FZD5: variants seen among roughly 807,000 people sequenced by gnomAD.
The protein encoded by FZD5 is frizzled-5.
In FZD5, 12 loss-of-function variants were observed where a neutral mutation model predicts 40.8. That is an observed-to-expected ratio of 0.29 (90% CI 0.19 to 0.48). FZD5 has a LOEUF of 0.48. Ranked by LOEUF, FZD5 falls within the 20% of genes least tolerant of loss-of-function variation. The probability of loss-of-function intolerance (pLI) is 0.99; values close to 1 mark genes in which losing one functional copy is unlikely to be tolerated. For missense variants in FZD5, 622 were observed against 832.8 expected (o/e 0.75, Z 3.12); for synonymous variants, 380 against 383.7 (o/e 0.99, Z 0.11).
Position 207,769,367 on chromosome 2 carries a change from C to G in FZD5, c.-358G>C, listed in dbSNP as rs537407723. On this transcript the variant is annotated 5_prime_UTR_variant, in exon 1 of 2. Transcript: ENST00000295417. The stretch of plus-strand genomic sequence containing the variant: ...AGCGCGACTCAGAGCCGGGCTGGCG[C>G]CCGGAAAGTTTAGCGACAGGCTGGG... 336 of 152,734 alleles carry G rather than the reference C, an allele frequency of 2.2e-3. 1 individual carries two copies. Among genetic ancestry groups the G allele is most frequent in the Non-Finnish European group, 3.7e-3 (254 of 68,296 alleles). 9.5% of individuals were successfully genotyped at this position (152,734 alleles called of 1,614,324 possible). A position where few individuals can be genotyped will look rare whatever the true frequency, so the allele number is the denominator to read the frequency against.
rs1474051307 is a variant in FZD5, at chr2:207,768,276, G to A, written c.464C>T (p.Ala155Val). 6.5e-7 allele frequency: 1 copy of A among 1,543,060 alleles called. No individual in the cohort carries two copies. The highest frequency in any genetic ancestry group is 8.7e-7 in the Non-Finnish European group (1 of 1,149,472). Residue 155 changes from alanine (A) to valine (V), a missense_variant, in exon 2 of 2, where the codon GCC becomes GTC. Physicochemically the swap from Ala to Val is moderately conservative, Grantham distance 64. This residue lies in a region of FZD5 where 116 missense variants were observed against 117.7 expected (regional missense o/e 0.99). Coordinates refer to ENST00000295417, the MANE Select transcript of FZD5 (RefSeq NM_003468.4). ...GAAAGGCCTGGGGGGCGCCGTGGTG[G>A]CCTCGCTGCGGTTGTAATCCATGCA... ...VLCMDYNRSE[A>V]TTAPPRPFPA...
In FZD5 at chr2:207,768,817, C is replaced by T. The variant is rs1011594771; in HGVS notation, c.-78G>A. 10 of 1,206,506 alleles carry T rather than the reference C, an allele frequency of 8.3e-6. No homozygotes were observed. The highest frequency in any genetic ancestry group is 1.1e-5 in the Non-Finnish European group (10 of 880,228). The allele number at this position is 1,206,506 out of a possible 1,614,324, so 74.7% of individuals were successfully genotyped here. A position where few individuals can be genotyped will look rare whatever the true frequency, so the allele number is the denominator to read the frequency against. On this transcript the variant is annotated 5_prime_UTR_variant, in exon 2 of 2. Transcript: ENST00000295417. ...GAGGAATCCGGGCCGGGGCTTCTCC[C>T]TCCGGCGTCTCGTGTGTGGCGCCGG...
rs1463165203 is a variant in FZD5, at chr2:207,768,589, T to A, written c.151A>T (p.Met51Leu). The A allele has an allele frequency of 6.2e-7, 1 of 1,613,988 alleles. No homozygotes were observed. The highest frequency in any genetic ancestry group is 1.7e-5 in the Admixed American group (1 of 60,026). The change falls in exon 2 of 2, where the codon ATG becomes TTG. Residue 51 changes from methionine (M) to leucine (L), a missense_variant. Transcript: ENST00000295417. ...CRGIGYNLTH[M>L]PNQFNHDTQD... ...GTGTCGTGGTTGAACTGGTTGGGCA[T>A]GTGCGTCAGGTTGTAGCCGATGCCG... is the stretch of plus-strand genomic sequence containing the variant.
chr2:207,765,320 T>C lies in FZD5; in HGVS notation c.*1662A>G, dbSNP rs2091973912. 6.6e-6 allele frequency: 1 copy of C among 152,304 alleles called. No individual in the cohort carries two copies. Among genetic ancestry groups the C allele is most frequent in the Admixed American group, 6.5e-5 (1 of 15,304 alleles). 9.4% of individuals were successfully genotyped at this position (152,304 alleles called of 1,614,324 possible). A position where few individuals can be genotyped will look rare whatever the true frequency, so the allele number is the denominator to read the frequency against. On this transcript the variant is annotated 3_prime_UTR_variant, in exon 2 of 2. Coordinates refer to ENST00000295417, the MANE Select transcript of FZD5 (RefSeq NM_003468.4). ...TTAGCTTCCTAAATTTAGTCCCCAA[T>C]CCTGGTCATTGGTATTTTGCTGGCT...
In FZD5 at chr2:207,765,974, C is replaced by G. The variant is rs1400661673; in HGVS notation, c.*1008G>C. The G allele has an allele frequency of 1.3e-5, 2 of 150,572 alleles. No individual in the cohort carries two copies. Among genetic ancestry groups the G allele is most frequent in the Non-Finnish European group, 2.9e-5 (2 of 67,878 alleles). 9.3% of individuals were successfully genotyped at this position (150,572 alleles called of 1,614,324 possible). ...TATTAGAAGTATATCCATTTCAGTCCTTACATTTAAAAAGGAGCCCCCTTT... is the reference window on the plus strand; with the variant it reads ...TATTAGAAGTATATCCATTTCAGTCGTTACATTTAAAAAGGAGCCCCCTTT... On this transcript the variant is annotated 3_prime_UTR_variant, in exon 2 of 2. Coordinates refer to ENST00000295417, the MANE Select transcript of FZD5 (RefSeq NM_003468.4).
In FZD5 at chr2:207,764,574, ACTTGGG is replaced by A. The variant is rs2091970299; in HGVS notation, c.*2402_*2407del. 1 of 152,236 alleles carries A rather than the reference ACTTGGG, an allele frequency of 6.6e-6. No individual in the cohort carries two copies. Among genetic ancestry groups the A allele is most frequent in the Non-Finnish European group, 1.5e-5 (1 of 68,042 alleles). The allele number at this position is 152,236 out of a possible 1,614,324, so 9.4% of individuals were successfully genotyped here. On this transcript the variant is annotated 3_prime_UTR_variant, in exon 2 of 2. Transcript: ENST00000295417. Reference sequence around the variant, plus strand: ...AAGATCCTGACTAATATTGCCCCCCACTTGGGCTTAGCGTCCTTTGTTTTAACTGGC... The same window carrying A: ...AAGATCCTGACTAATATTGCCCCCCACTTAGCGTCCTTTGTTTTAACTGGC...
At position 207,768,432 on chromosome 2, in the gene FZD5, G is replaced by C. The variant is rs147212480; in HGVS notation, c.308C>G (p.Pro103Arg). Residue 103 changes from proline (P) to arginine (R), a missense_variant, in exon 2 of 2, where the codon CCG (proline) becomes CGG (arginine). Around this residue, in one of 4 missense-constraint regions of FZD5, gnomAD observed 144 missense variants for 214.2 expected, o/e 0.67. Transcript: ENST00000295417. ...ICLPDYHKPL[P>R]PCRSVCERAK... ...GCGCTCGCACACCGAGCGGCAGGGC[G>C]GCAGCGGCTTGTGGTAGTCGGGCAG... is the stretch of plus-strand genomic sequence containing the variant. 240 of 1,609,290 alleles carry C rather than the reference G, an allele frequency of 1.5e-4. 1 individual carries two copies. Among genetic ancestry groups the C allele is most frequent in the Non-Finnish European group, 1.6e-5 (19 of 1,179,714 alleles).
chr2:207,765,869 A>G lies in FZD5; in HGVS notation c.*1113T>C, dbSNP rs1219737909. 1.3e-5 allele frequency: 2 copies of G among 149,382 alleles called. No individual in the cohort carries two copies. Among genetic ancestry groups the G allele is most frequent in the Admixed American group, 1.3e-4 (2 of 15,036 alleles). The allele number at this position is 149,382 out of a possible 1,614,324, so 9.3% of individuals were successfully genotyped here. Reference sequence around the variant, plus strand: ...TCTCCAGGAGAGGAGGAATAAGAAAAGCAAAAAGGCTGTTTAACATGATAA... The same window carrying G: ...TCTCCAGGAGAGGAGGAATAAGAAAGGCAAAAAGGCTGTTTAACATGATAA... On this transcript the variant is annotated 3_prime_UTR_variant, in exon 2 of 2. Transcript: ENST00000295417.
Position 207,768,830 on chromosome 2 carries a change from T to G in FZD5, c.-91A>C. On this transcript the variant is annotated 5_prime_UTR_variant, in exon 2 of 2. Transcript: ENST00000295417. ...CGGGGCTTCTCCCTCCGGCGTCTCGTGTGTGGCGCCGGGGCTGGCAACCTG... is the reference window on the plus strand; with the variant it reads ...CGGGGCTTCTCCCTCCGGCGTCTCGGGTGTGGCGCCGGGGCTGGCAACCTG... The G allele has an allele frequency of 9.3e-7, 1 of 1,077,522 alleles. No individual in the cohort carries two copies. Among genetic ancestry groups the G allele is most frequent in the Non-Finnish European group, 1.3e-6 (1 of 763,310 alleles). 66.7% of individuals were successfully genotyped at this position (1,077,522 alleles called of 1,614,324 possible).
rs1347773083 is a variant in FZD5 at position 207,765,098 on chromosome 2, C to G, written c.*1884G>C. 1 of 152,180 alleles carries G rather than the reference C, an allele frequency of 6.6e-6. No individual in the cohort carries two copies. The highest frequency in any genetic ancestry group is 1.9e-4 in the East Asian group (1 of 5,206). 9.4% of individuals were successfully genotyped at this position (152,180 alleles called of 1,614,324 possible). A position where few individuals can be genotyped will look rare whatever the true frequency, so the allele number is the denominator to read the frequency against. ...TTTGAGAGTCCTTACAACTTTAATACTAGGTTTCTTCCCACCAGTAAAGTG... is the reference window on the plus strand; with the variant it reads ...TTTGAGAGTCCTTACAACTTTAATAGTAGGTTTCTTCCCACCAGTAAAGTG... On this transcript the variant is annotated 3_prime_UTR_variant, in exon 2 of 2. Coordinates refer to ENST00000295417, the MANE Select transcript of FZD5 (RefSeq NM_003468.4).
intron 1 of FZD5, 27 bp downstream of exon 1, chr2:207,769,238 G>T: frequency 6.4e-6 from 1 of 156,602 alleles, no homozygotes; most frequent in Non-Finnish European, 1.4e-5. Context: ...AACGGGAGAA[G>T]AACAGGGAGA....
rs1025557987 is a variant in FZD5 at position 207,766,096 on chromosome 2, A to G, written c.*886T>C. The G allele has an allele frequency of 9.3e-5, 3 of 32,176 alleles. No individual in the cohort carries two copies. Among genetic ancestry groups the G allele is most frequent in the Middle Eastern group, 0.026 (1 of 38 alleles). The allele number at this position is 32,176 out of a possible 1,614,324, so 2.0% of individuals were successfully genotyped here. A position where few individuals can be genotyped will look rare whatever the true frequency, so the allele number is the denominator to read the frequency against. The stretch of plus-strand genomic sequence containing the variant: ...TAAAAAAAAAAAAAAAAAAAAAAAA[A>G]GGGGATCACTGAAGCTTAAGAACCA... On this transcript the variant is annotated 3_prime_UTR_variant, in exon 2 of 2. Coordinates refer to ENST00000295417, the MANE Select transcript of FZD5 (RefSeq NM_003468.4).
Position 207,767,146 on chromosome 2 carries a change from G to A in FZD5, c.1594C>T (p.Arg532Cys). The part of the protein sequence containing the change: ...WSGKTVESWR[R>C]FTSRCCCRPR... ...CGGCAGCAGCAGCGGCTGGTGAAAC[G>A]CCGCCACGACTCCACCGTCTTGCCC... Residue 532 changes from arginine to cysteine, a missense_variant, in exon 2 of 2, where the codon CGT (arginine) becomes TGT (cysteine). By Grantham distance (180) the Arg-to-Cys change is radical. This residue lies in a region of FZD5 where 154 missense variants were observed against 152.1 expected (regional missense o/e 1.01). Transcript: ENST00000295417. 1 of 1,568,910 alleles carries A rather than the reference G, an allele frequency of 6.4e-7. No individual in the cohort carries two copies. Among genetic ancestry groups the A allele is most frequent in the Non-Finnish European group, 8.6e-7 (1 of 1,158,954 alleles).
rs2091966908 is a variant in FZD5, at chr2:207,763,915, A to G, written c.*3067T>C. On this transcript the variant is annotated 3_prime_UTR_variant, in exon 2 of 2. Transcript: ENST00000295417. ...GCCCACAATTACACACAACACACAC[A>G]TGGGCCTTGGTCACTGGCAATGGTC... is the stretch of plus-strand genomic sequence containing the variant. 6.5e-6 allele frequency: 1 copy of G among 152,674 alleles called. No individual in the cohort carries two copies. The highest frequency in any genetic ancestry group is 1.5e-5 in the Non-Finnish European group (1 of 68,048). 9.5% of individuals were successfully genotyped at this position (152,674 alleles called of 1,614,324 possible).
Position 207,765,686 on chromosome 2 carries a change from A to G in FZD5, c.*1296T>C, listed in dbSNP as rs1277194884. ...TTGTTTTCAGAGACGGCAGAGAGCAACGTCTTGCTGCTCTTGGAATATCTG... is the reference window on the plus strand; with the variant it reads ...TTGTTTTCAGAGACGGCAGAGAGCAGCGTCTTGCTGCTCTTGGAATATCTG... On this transcript the variant is annotated 3_prime_UTR_variant, in exon 2 of 2. Coordinates refer to ENST00000295417, the MANE Select transcript of FZD5 (RefSeq NM_003468.4). 2 of 152,618 alleles carry G rather than the reference A, an allele frequency of 1.3e-5. No individual in the cohort carries two copies. Among genetic ancestry groups the G allele is most frequent in the Non-Finnish European group, 2.9e-5 (2 of 68,050 alleles). 9.5% of individuals were successfully genotyped at this position (152,618 alleles called of 1,614,324 possible).
rs2091996944 is a variant in FZD5, at chr2:207,768,936, C to T, written c.-197G>A. On this transcript the variant is annotated 5_prime_UTR_variant, in exon 2 of 2. Transcript: ENST00000295417. ...CGCTGCCTCCGCTGGCAGCGCTCCG[C>T]TCCTCGCCGGATAGGGCTGGGGAGA... The T allele has an allele frequency of 1.7e-6, 1 of 599,092 alleles. No homozygotes were observed. Among genetic ancestry groups the T allele is most frequent in the East Asian group, 3.0e-5 (1 of 33,876 alleles). 37.1% of individuals were successfully genotyped at this position (599,092 alleles called of 1,614,324 possible).
At position 207,767,151 on chromosome 2, in the gene FZD5, C is replaced by T; in HGVS notation, c.1589G>A (p.Trp530Ter). 1 of 1,574,254 alleles carries T rather than the reference C, an allele frequency of 6.4e-7. No individual in the cohort carries two copies. Among genetic ancestry groups the T allele is most frequent in the Non-Finnish European group, 8.6e-7 (1 of 1,161,666 alleles). ...WIWSGKTVESWRRFTSRCCCR... is the reference protein window; with the variant it reads ...WIWSGKTVES ...GCAGCAGCGGCTGGTGAAACGCCGC[C>T]ACGACTCCACCGTCTTGCCCGACCA... The change falls in exon 2 of 2, where the codon TGG (tryptophan) becomes TAG (stop). Residue 530 changes from tryptophan (W) to a stop codon, truncating the protein, a stop_gained. Transcript: ENST00000295417. LOFTEE classifies it high-confidence loss of function.
chr2:207,768,049 C>G lies in FZD5; in HGVS notation c.691G>C (p.Glu231Gln). Residue 231 changes from glutamate to glutamine, a missense_variant, in exon 2 of 2, where the codon GAG becomes CAG. Physicochemically the swap from Glu to Gln is conservative, Grantham distance 29. This residue lies in a region of FZD5 where 116 missense variants were observed against 117.7 expected (regional missense o/e 0.99). Coordinates refer to ENST00000295417, the MANE Select transcript of FZD5 (RefSeq NM_003468.4). ...ATCCAGAAGGTGGCGAACGTGCGCT[C>G]GTCGGCACTGAAGGACGGCTGGTAG... is the stretch of plus-strand genomic sequence containing the variant. ...PCYQPSFSAD[E>Q]RTFATFWIGL... The G allele has an allele frequency of 6.2e-7, 1 of 1,612,570 alleles. No homozygotes were observed. Among genetic ancestry groups the G allele is most frequent in the Non-Finnish European group, 8.5e-7 (1 of 1,179,334 alleles).
Position 207,768,224 on chromosome 2 carries a change from C to T in FZD5, c.516G>A (p.Pro172=), listed in dbSNP as rs753224761. The T allele has an allele frequency of 6.4e-7, 1 of 1,567,350 alleles. No homozygotes were observed. The highest frequency in any genetic ancestry group is 8.6e-7 in the Non-Finnish European group (1 of 1,162,410). Residue 172 remains proline (P), a synonymous_variant, in exon 2 of 2, where the codon CCG becomes CCA. Coordinates refer to ENST00000295417, the MANE Select transcript of FZD5 (RefSeq NM_003468.4). ...CGCCCCCCGAGGCCGGCGCCCCTGG[C>T]GGGCCTGGAAGGGTGGGCTTGGCTG... ...PFPAKPTLPG[P]PGAPASGGEC... is the part of the protein sequence containing the mutation.
Sources: allele counts gnomAD v4.1 joint callset, GRCh38; gene constraint gnomAD v4.1.1; regional missense constraint gnomAD v4.1.1; transcripts MANE v1.5; gene names NCBI Gene and HGNC (gene_info 2026-07-23, HGNC 2026-07-21).